CYFIP1: variants seen among roughly 807,000 people sequenced by gnomAD.
CYFIP1 encodes the protein cytoplasmic FMR1-interacting protein 1.
Under a neutral mutation model 163.5 loss-of-function variants are expected in CYFIP1, and 58 were observed. The ratio of observed to expected loss-of-function variants is 0.35; its 90% CI spans 0.29 to 0.44. The LOEUF (loss-of-function observed/expected upper bound fraction) is 0.44. Ranked by LOEUF, CYFIP1 falls within the 20% of genes least tolerant of loss-of-function variation. The pLI is 1.00. For missense variants in CYFIP1, 1,338 were observed against 1,653.8 expected (o/e 0.81, Z 3.31); for synonymous variants, 663 against 660.7 (o/e 1.00, Z -0.05).
chr15:22,926,859 G>A (rs2061371935), intron 12 of CYFIP1, among the ~76,000 whole-genome samples: 1 of 152,160 alleles, frequency 6.6e-6, no homozygotes, highest in Non-Finnish European at 1.5e-5. Context: ...AGAATAGATA[G>A]GGAAGAACTC....
At chr15:22,881,791 T>C in intron 25 of CYFIP1, 55 bp downstream of exon 25, 3 of 1,538,662 alleles carry the variant, frequency 1.9e-6, no homozygotes, top group Non-Finnish European at 2.7e-6. Context: ...CTGACTTGAA[T>C]TCCTTTCTGA....
intron 20 of CYFIP1, among the ~76,000 whole-genome samples, chr15:22,910,233 T>G (rs573514022): frequency 6.6e-6 from 1 of 152,226 alleles, no homozygotes; most frequent in Non-Finnish European, 1.5e-5. Flanking sequence ...CAATCTCAGC[T>G]CACTGCAAGC....
At position 22,974,113 on chromosome 15, in the gene CYFIP1, C is replaced by T. The variant is rs867561849; in HGVS notation, c.-7+6174G>A. On this transcript the variant is annotated intron_variant, in intron 1 of 30. Transcript: ENST00000617928. ...AGTATAGCCATTGTAGAAAACAGTG[C>T]CGGGGGTTCCTCAAAATATTAAAAA... Among the ~76,000 whole-genome samples, 58 of 152,140 alleles carry T rather than the reference C, an allele frequency of 3.8e-4. 1 individual carries two copies. Among genetic ancestry groups the T allele is most frequent in the African/African-American group, 1.4e-3 (57 of 41,422 alleles).
chr15:22,928,160 C>A (rs1265525855), intron 11 of CYFIP1, 132 bp from the exon 12 acceptor site: 4 of 1,116,034 alleles, frequency 3.6e-6, no homozygotes, highest in South Asian at 1.8e-5. Flanking sequence ...CCAAGGCGGG[C>A]GGATCACAAG....
At chr15:22,890,567 T>TGA (rs2060050256) in intron 23 of CYFIP1, among the ~76,000 whole-genome samples, 1 of 152,172 alleles carries the variant, frequency 6.6e-6, no homozygotes, top group South Asian at 2.1e-4. Context: ...CACAGCCACA[T>TGA]GAAGCCCAGA....
chr15:22,931,343 A>G (rs1203992498), intron 11 of CYFIP1, among the ~76,000 whole-genome samples: 1 of 152,134 alleles, frequency 6.6e-6, no homozygotes, highest in Non-Finnish European at 1.5e-5. Context: ...CAAAATGACA[A>G]CATGGCAAAC....
At chr15:22,975,547 G>A (rs2063240359) in intron 1 of CYFIP1, among the ~76,000 whole-genome samples, 1 of 151,734 alleles carries the variant, frequency 6.6e-6, no homozygotes, top group Non-Finnish European at 1.5e-5. Flanking sequence ...GATCACCTGA[G>A]GTCAGGAGGT....
chr15:22,942,756 C>T (rs1379447085), intron 6 of CYFIP1, among the ~76,000 whole-genome samples: 1 of 152,220 alleles, frequency 6.6e-6, no homozygotes, highest in Non-Finnish European at 1.5e-5. Context: ...GGGACCCCCG[C>T]TGGCGAGTGA....
At chr15:22,942,245 T>C (rs1355959459) in intron 6 of CYFIP1, among the ~76,000 whole-genome samples, 1 of 152,236 alleles carries the variant, frequency 6.6e-6, no homozygotes. Flanking sequence ...ATAGCAACAG[T>C]TGTATGATTT....
intron 30 of CYFIP1, 118 bp downstream of exon 30, chr15:22,872,707 G>T (rs1374194507): frequency 2.0e-6 from 2 of 1,014,436 alleles, no homozygotes; most frequent in Non-Finnish European, 2.9e-6. Flanking sequence ...GAAAGTTTCT[G>T]TTGGTGGCAC....
In CYFIP1 at chr15:22,932,226, G is replaced by A. The variant is rs770673636; in HGVS notation, c.1107C>T (p.Ser369=). The change falls in exon 11 of 31, where the codon AGC becomes AGT. Residue 369 remains serine, a synonymous_variant. Transcript: ENST00000617928. ...AGCTCCAGGTCGCGGGGCGCACCTC[G>A]CTGTTGCTGTAGCGCGCCAGCTCCG... ...FISELARYSN[S]EVVTGSGRQE... 1.7e-5 allele frequency: 28 copies of A among 1,608,454 alleles called. No individual in the cohort carries two copies. In the East Asian group the frequency reaches 2.5e-4, roughly 14 times the overall value.
chr15:22,922,265 T>C (rs1297236578), intron 13 of CYFIP1, among the ~76,000 whole-genome samples: 1 of 152,196 alleles, frequency 6.6e-6, no homozygotes, highest in African/African-American at 2.4e-5. Flanking sequence ...TGTGTGTGTT[T>C]TGAGGACCTA....
chr15:22,923,328 T>C (rs186471097), intron 13 of CYFIP1, among the ~76,000 whole-genome samples: 2 of 152,168 alleles, frequency 1.3e-5, no homozygotes, highest in Non-Finnish European at 2.9e-5. Flanking sequence ...CTCCAAATAA[T>C]GCACACAAAT....
chr15:22,935,779 T>A (rs2061693097), intron 9 of CYFIP1, among the ~76,000 whole-genome samples: 1 of 152,136 alleles, frequency 6.6e-6, no homozygotes, highest in South Asian at 2.1e-4. Flanking sequence ...ATCTTAAGTG[T>A]TCTCATCACA....
rs141873709 is a variant in CYFIP1, at chr15:22,900,543, C to T, written c.2588+3163G>A. Among the ~76,000 whole-genome samples the T allele has an allele frequency of 1.1e-3, 160 of 151,996 alleles. 1 individual carries two copies. The highest frequency in any genetic ancestry group is 0.01 in the Middle Eastern group (3 of 290). On this transcript the variant is annotated intron_variant, in intron 22 of 30. Transcript: ENST00000617928. ...CCTCCCAAGTAGCTGGGACTGCAGG[C>T]GCCCGCCACCACACCCAGCTAATTT...
chr15:22,943,457 G>A (rs369360259), intron 5 of CYFIP1, 103 bp from the exon 6 acceptor site: 270 of 1,283,544 alleles, frequency 2.1e-4, no homozygotes, highest in Middle Eastern at 8.2e-4. Flanking sequence ...GATGAGAAAC[G>A]ATCTGCCCAG....
At chr15:22,971,263 G>T (rs1041828597) in intron 1 of CYFIP1, among the ~76,000 whole-genome samples, 5 of 152,156 alleles carry the variant, frequency 3.3e-5, no homozygotes, top group African/African-American at 9.7e-5. Context: ...AATAGACCAG[G>T]TGCTGTTGCT....
intron 23 of CYFIP1, among the ~76,000 whole-genome samples, chr15:22,884,991 G>A (rs1460428048): frequency 6.6e-6 from 1 of 151,204 alleles, no homozygotes; most frequent in Non-Finnish European, 1.5e-5. Flanking sequence ...TGGGGGAGGG[G>A]GAACCATAGG....
intron 10 of CYFIP1, 59 bp from the exon 11 acceptor site, chr15:22,932,399 G>A (rs896403625): frequency 7.4e-6 from 9 of 1,210,180 alleles, no homozygotes; most frequent in Middle Eastern, 2.0e-4. Context: ...CACAGCACTG[G>A]GGCAGCTCAG....
Sources: allele counts gnomAD v4.1 joint callset (sites outside exome capture counted in the v4.1 genomes callset), GRCh38; gene constraint gnomAD v4.1.1; transcripts MANE v1.5; gene names NCBI Gene and HGNC (gene_info 2026-07-23, HGNC 2026-07-21).